CCDC102B: variants seen among roughly 807,000 people sequenced by gnomAD.
CCDC102B encodes the protein coiled-coil domain containing 102B, also known as coiled-coil domain-containing protein 102B.
A neutral mutation model predicts 57.4 loss-of-function variants in CCDC102B; 75 were observed. The ratio of observed to expected loss-of-function variants is 1.31; its 90% CI spans 1.08 to 1.58. The LOEUF (loss-of-function observed/expected upper bound fraction) is 1.58, where lower values mean the gene tolerates loss of function less well. Ranked by LOEUF, CCDC102B falls within the 40% of genes most tolerant of loss-of-function variation. CCDC102B has a pLI of 0.00. For synonymous variants in CCDC102B, 206 were observed against 201.9 expected, an observed-to-expected ratio of 1.02 and a Z score of -0.17; for missense variants, 636 against 582.6, an observed-to-expected ratio of 1.09 and a Z score of -0.94.
intron 4 of CCDC102B, among the ~76,000 whole-genome samples, chr18:68,861,273 CT>C (rs957796835): frequency 6.3e-5 from 9 of 142,126 alleles, no homozygotes; most frequent in Non-Finnish European, 9.1e-5. Flanking sequence ...ATCACTTGTG[CT>C]TTTTTTCTGG....
chr18:68,766,730 A>G (rs2034481185), intron 2 of CCDC102B, among the ~76,000 whole-genome samples: 1 of 152,192 alleles, frequency 6.6e-6, no homozygotes, highest in Non-Finnish European at 1.5e-5. Context: ...ATACCTTTCC[A>G]AGGAAATCAA....
chr18:68,717,389 T>C (rs943466038), intron 2 of CCDC102B, among the ~76,000 whole-genome samples: 19 of 152,232 alleles, frequency 1.2e-4, no homozygotes, highest in African/African-American at 4.6e-4. Context: ...ACTGATAATA[T>C]GTTGTGATGA....
intron 2 of CCDC102B, among the ~76,000 whole-genome samples, chr18:68,771,869 T>TATAC (rs1555699084): frequency 7.0e-6 from 1 of 142,026 alleles, no homozygotes; most frequent in Non-Finnish European, 1.5e-5. Flanking sequence ...TACTCTGAAA[T>TATAC]ACACACACAC....
rs5825872 is a variant in CCDC102B, at chr18:68,748,205, G to GGTGTGTGT, written c.-67+31656_-67+31663dup. Among the ~76,000 whole-genome samples, 278 of 137,562 alleles carry GGTGTGTGT rather than the reference G, an allele frequency of 2.0e-3. 1 individual carries two copies. Among genetic ancestry groups the GGTGTGTGT allele is most frequent in the Middle Eastern group, 7.6e-3 (2 of 264 alleles). 90.2% of individuals were successfully genotyped at this position (137,562 alleles called of 152,430 possible). On this transcript the variant is annotated intron_variant, in intron 2 of 3. Coordinates refer to the CCDC102B transcript ENST00000578970. Reference sequence around the variant, plus strand: ...TAGGTACTTTGTCCATTATTAAACTGGTGTGTGTGTGTGTGTGTGTGTGTG... The same window carrying GGTGTGTGT: ...TAGGTACTTTGTCCATTATTAAACTGGTGTGTGTGTGTGTGTGTGTGTGTGTGTGTGTG...
intron 6 of CCDC102B, among the ~76,000 whole-genome samples, chr18:69,000,258 C>T (rs1309340620): frequency 1.3e-5 from 2 of 152,062 alleles, no homozygotes; most frequent in Non-Finnish European, 2.9e-5. Context: ...TAAAAAAATG[C>T]ATTTACCATG....
chr18:68,987,079 T>A (rs1035104411), intron 6 of CCDC102B, among the ~76,000 whole-genome samples: 5 of 152,140 alleles, frequency 3.3e-5, no homozygotes, highest in Admixed American at 3.3e-4. Flanking sequence ...ATTCTTAAAT[T>A]CATATGGAAC....
chr18:68,995,901 A>G (rs2145340723), intron 6 of CCDC102B, among the ~76,000 whole-genome samples: 1 of 152,240 alleles, frequency 6.6e-6, no homozygotes, highest in South Asian at 2.1e-4. Flanking sequence ...AAGCAGCCGC[A>G]ATGGGGCTGG....
intron 7 of CCDC102B, among the ~76,000 whole-genome samples, chr18:69,038,383 G>C (rs67640928): frequency 6.6e-6 from 1 of 151,642 alleles, no homozygotes; most frequent in Admixed American, 6.6e-5. Context: ...TTTGTCATAC[G>C]TTCCAATACA....
chr18:68,880,258 C>T (rs542475648), intron 5 of CCDC102B, among the ~76,000 whole-genome samples: 20 of 152,330 alleles, frequency 1.3e-4, no homozygotes, highest in African/African-American at 4.3e-4. Context: ...CCTCATTGCC[C>T]GGGGCCGGCA....
At chr18:68,999,278 T>C (rs2051135718) in intron 6 of CCDC102B, among the ~76,000 whole-genome samples, 1 of 151,938 alleles carries the variant, frequency 6.6e-6, no homozygotes, top group Admixed American at 6.6e-5. Context: ...GTGGGGCATG[T>C]AATCAAAATA....
intron 6 of CCDC102B, among the ~76,000 whole-genome samples, chr18:68,990,722 C>A (rs2050842517): frequency 6.6e-6 from 1 of 152,078 alleles, no homozygotes; most frequent in African/African-American, 2.4e-5. Context: ...AATTAGGCCC[C>A]AATCCTATAG....
chr18:68,784,196 G>C (rs1465689957), intron 2 of CCDC102B, among the ~76,000 whole-genome samples: 1 of 152,276 alleles, frequency 6.6e-6, no homozygotes, highest in East Asian at 1.9e-4. Context: ...TCTGTGGGCT[G>C]TGCAGGAAGC....
chr18:69,057,152 T>C (rs562807611), downstream of CCDC102B, among the ~76,000 whole-genome samples: 3 of 152,194 alleles, frequency 2.0e-5, no homozygotes, highest in South Asian at 6.2e-4. Context: ...TGTCCACTTG[T>C]CCATGGTTTG....
At chr18:68,911,226 A>G (rs1313949757) in intron 6 of CCDC102B, among the ~76,000 whole-genome samples, 30 of 152,222 alleles carry the variant, frequency 2.0e-4, no homozygotes, top group Admixed American at 1.6e-3. Context: ...AAAATATGGT[A>G]CATACACATC....
chr18:68,786,577 C>A (rs1271032403), intron 2 of CCDC102B, among the ~76,000 whole-genome samples: 128 of 140,670 alleles, frequency 9.1e-4, no homozygotes, highest in African/African-American at 3.3e-3. Context: ...GTATTTTATT[C>A]TCTTTGAAGC....
chr18:68,824,272 G>A (rs533430003), intron 1 of CCDC102B, among the ~76,000 whole-genome samples: 1 of 152,112 alleles, frequency 6.6e-6, no homozygotes, highest in African/African-American at 2.4e-5. Flanking sequence ...TCTGCATATG[G>A]CTAGCCAGTT....
intron 5 of CCDC102B, 25 bp downstream of exon 5, chr18:68,874,810 A>C (rs559188028): frequency 7.5e-7 from 1 of 1,337,182 alleles, no homozygotes; most frequent in Non-Finnish European, 1.1e-6. Context: ...AAAGAGTACC[A>C]TATATATTAA....
intron 7 of CCDC102B, among the ~76,000 whole-genome samples, chr18:69,038,431 T>C (rs1467877522): frequency 1.3e-5 from 2 of 152,030 alleles, no homozygotes; most frequent in African/African-American, 4.8e-5. Context: ...GCTTTTGGTA[T>C]GGCTTTGATT....
intron 1 of CCDC102B, among the ~76,000 whole-genome samples, chr18:68,815,704 A>G (rs1207178252): frequency 7.1e-6 from 1 of 141,056 alleles, no homozygotes; most frequent in African/African-American, 2.6e-5. Context: ...ACACACACAC[A>G]CACTGAACTC....
Sources: allele counts gnomAD v4.1 joint callset (sites outside exome capture counted in the v4.1 genomes callset), GRCh38; gene constraint gnomAD v4.1.1; transcripts MANE v1.5; gene names NCBI Gene and HGNC (gene_info 2026-07-23, HGNC 2026-07-21).